ZNF592: variants seen among roughly 807,000 people sequenced by gnomAD.
The protein encoded by ZNF592 is spinocerebellar ataxia, autosomal recessive 5.
In ZNF592, 11 loss-of-function variants were observed where a neutral mutation model predicts 80.3. That is an observed-to-expected ratio of 0.14 (90% CI 0.09 to 0.23). The LOEUF (loss-of-function observed/expected upper bound fraction) is 0.23. Ranked by LOEUF, ZNF592 falls within the 10% of genes least tolerant of loss-of-function variation. The probability of loss-of-function intolerance (pLI) is 1.00; values close to 1 mark genes in which losing one functional copy is unlikely to be tolerated. For missense variants in ZNF592, 1,420 were observed against 1,633.9 expected (o/e 0.87, Z 2.26); for synonymous variants, 646 against 640.3 (o/e 1.01, Z -0.13).
At chr15:84,789,058 A>C (rs1472872344) in intron 4 of ZNF592, among the ~76,000 whole-genome samples, 7 of 150,702 alleles carry the variant, frequency 4.6e-5, no homozygotes, top group South Asian at 2.1e-4. Flanking sequence ...TTAAAAAAAA[A>C]AAAACAAAAA....
chr15:84,804,327 A>G lies in ZNF592; in HGVS notation c.*1934A>G, dbSNP rs1435636305. ...CAGGAATGGGTTCCAGAGGAGGCTG[A>G]TAGAAGGGTTTGAAATGACTGGCTG... On this transcript the variant is annotated 3_prime_UTR_variant, in exon 11 of 11. Transcript: ENST00000560079. The G allele has an allele frequency of 1.3e-5, 2 of 152,272 alleles. No individual in the cohort carries two copies. Among genetic ancestry groups the G allele is most frequent in the African/African-American group, 4.8e-5 (2 of 41,464 alleles). The allele number at this position is 152,272 out of a possible 1,614,324, so 9.4% of individuals were successfully genotyped here. A position where few individuals can be genotyped will look rare whatever the true frequency, so the allele number is the denominator to read the frequency against.
intron 4 of ZNF592, among the ~76,000 whole-genome samples, chr15:84,789,152 G>A (rs1412216794): frequency 3.3e-5 from 5 of 151,990 alleles, no homozygotes; most frequent in Non-Finnish European, 7.4e-5. Flanking sequence ...GGAGGCTGAG[G>A]CAGGAGAATT....
In ZNF592 at chr15:84,764,811, C is replaced by A. The variant is rs1354505633; in HGVS notation, c.-154C>A. On this transcript the variant is annotated 5_prime_UTR_variant, in exon 2 of 11. Transcript: ENST00000560079. ...CCACACCCTTGTTTTGAGATCCTCTCTAAGGTATGATGTCTAGGCTGACCT... is the reference window on the plus strand; with the variant it reads ...CCACACCCTTGTTTTGAGATCCTCTATAAGGTATGATGTCTAGGCTGACCT... 2.5e-6 allele frequency: 1 copy of A among 398,786 alleles called. No homozygotes were observed. The highest frequency in any genetic ancestry group is 4.4e-6 in the Non-Finnish European group (1 of 226,052). 24.7% of individuals were successfully genotyped at this position (398,786 alleles called of 1,614,324 possible).
At chr15:84,751,595 CT>C (rs779955467) in intron 1 of ZNF592, among the ~76,000 whole-genome samples, 1,499 of 143,546 alleles carry the variant, frequency 0.01, 5 homozygotes, top group Middle Eastern at 0.025. Context: ...ATTTTTATTA[CT>C]TTTTTTTTTT....
rs764121202 is a variant in ZNF592, at chr15:84,798,870, G to A, written c.3019G>A (p.Gly1007Ser). 5.0e-6 allele frequency: 8 copies of A among 1,597,886 alleles called. No homozygotes were observed. The highest frequency in any genetic ancestry group is 6.8e-6 in the Non-Finnish European group (8 of 1,179,634). Reference sequence around the variant, plus strand: ...CGTGTCCCACATGAAAAAGAGCCACGGTCGGGTAAGTGCAGCCACACAGTC... The same window carrying A: ...CGTGTCCCACATGAAAAAGAGCCACAGTCGGGTAAGTGCAGCCACACAGTC... Reference protein sequence around the residue: ...SYVSHMKKSHGRTLKRYPCRQ... With the variant: ...SYVSHMKKSHSRTLKRYPCRQ... Residue 1007 changes from glycine (G) to serine (S), a missense_variant, in exon 8 of 11, where the codon GGT (glycine) becomes AGT (serine). Gly to Ser is a moderately conservative substitution (Grantham distance 56, BLOSUM62 0). This residue lies in a region of ZNF592 where 331 missense variants were observed against 347.0 expected (regional missense o/e 0.95). Transcript: ENST00000560079. This position sits in a 1 kb window ranked among gnomAD's most constrained non-coding sequence, Gnocchi z 4.5.
rs2141533467 is a variant in ZNF592 at position 84,804,962 on chromosome 15, A to G, written c.*2569A>G. Reference sequence around the variant, plus strand: ...CGATGTGCAGAGGCTACCTGTAGTGATGGTGCTGAGTCAAGCCTGTCAACC... The same window carrying G: ...CGATGTGCAGAGGCTACCTGTAGTGGTGGTGCTGAGTCAAGCCTGTCAACC... On this transcript the variant is annotated 3_prime_UTR_variant, in exon 11 of 11. Transcript: ENST00000560079. 1 of 152,236 alleles carries G rather than the reference A, an allele frequency of 6.6e-6. No homozygotes were observed. Among genetic ancestry groups the G allele is most frequent in the Admixed American group, 6.5e-5 (1 of 15,298 alleles). 9.4% of individuals were successfully genotyped at this position (152,236 alleles called of 1,614,324 possible). A position where few individuals can be genotyped will look rare whatever the true frequency, so the allele number is the denominator to read the frequency against.
In ZNF592 at chr15:84,802,860, G is replaced by A. The variant is rs1375581797; in HGVS notation, c.*467G>A. 1 of 190,182 alleles carries A rather than the reference G, an allele frequency of 5.3e-6. No homozygotes were observed. Among genetic ancestry groups the A allele is most frequent in the Non-Finnish European group, 1.1e-5 (1 of 89,230 alleles). 11.8% of individuals were successfully genotyped at this position (190,182 alleles called of 1,614,324 possible). A position where few individuals can be genotyped will look rare whatever the true frequency, so the allele number is the denominator to read the frequency against. Reference sequence around the variant, plus strand: ...GAGGGAAATGAGGGGTGCTGACACAGTCCCTCTGGGAGAGCTCTGCCTAGT... The same window carrying A: ...GAGGGAAATGAGGGGTGCTGACACAATCCCTCTGGGAGAGCTCTGCCTAGT... On this transcript the variant is annotated 3_prime_UTR_variant, in exon 11 of 11. Coordinates refer to ENST00000560079, the MANE Select transcript of ZNF592 (RefSeq NM_014630.3).
At chr15:84,756,832 C>T (rs1363624529) in intron 1 of ZNF592, among the ~76,000 whole-genome samples, 1 of 151,738 alleles carries the variant, frequency 6.6e-6, no homozygotes, top group African/African-American at 2.4e-5. Flanking sequence ...TTTTTTTTTG[C>T]TAGGCACAGT....
intron 2 of ZNF592, among the ~76,000 whole-genome samples, chr15:84,766,874 G>A (rs1192341721): frequency 6.6e-6 from 1 of 152,088 alleles, no homozygotes; most frequent in Non-Finnish European, 1.5e-5. Flanking sequence ...TGCTCCTCGT[G>A]TCCCTCCAGA....
chr15:84,756,877 C>T (rs962776183), intron 1 of ZNF592, among the ~76,000 whole-genome samples: 11 of 151,862 alleles, frequency 7.2e-5, no homozygotes, highest in African/African-American at 2.2e-4. Context: ...TTTGGGAGGC[C>T]GAGGTGGGTG....
chr15:84,783,853 G>C lies in ZNF592; in HGVS notation c.1178G>C (p.Arg393Thr). Residue 393 changes from arginine (R) to threonine (T), a missense_variant, in exon 4 of 11, where the codon AGG becomes ACG. By Grantham distance (71) the Arg-to-Thr change is moderately conservative. Coordinates refer to ENST00000560079, the MANE Select transcript of ZNF592 (RefSeq NM_014630.3). The surrounding 1 kb of genome is among the most constrained non-coding windows in gnomAD (Gnocchi z 5.0). ...SSGEIKRTVT[R>T]ILPDPDDPSK... ...GGGGAAATCAAACGGACTGTCACAA[G>C]GATCCTGCCAGATCCTGATGATCCA... is the stretch of plus-strand genomic sequence containing the variant. 1 of 1,614,214 alleles carries C rather than the reference G, an allele frequency of 6.2e-7. No homozygotes were observed.
At chr15:84,772,353 A>G (rs1194893660) in intron 2 of ZNF592, among the ~76,000 whole-genome samples, 2 of 152,064 alleles carry the variant, frequency 1.3e-5, no homozygotes, top group East Asian at 1.9e-4. Context: ...GTCTGCTTCC[A>G]TTCCTGGTAT....
At chr15:84,785,899 A>T (rs534182833) in intron 4 of ZNF592, among the ~76,000 whole-genome samples, 4 of 151,436 alleles carry the variant, frequency 2.6e-5, no homozygotes, top group Middle Eastern at 3.4e-3. Context: ...CGCTGAGAAT[A>T]CCCTTTGGCA....
At position 84,804,798 on chromosome 15, in the gene ZNF592, A is replaced by C. The variant is rs1963196236; in HGVS notation, c.*2405A>C. 1 of 152,224 alleles carries C rather than the reference A, an allele frequency of 6.6e-6. No individual in the cohort carries two copies. The highest frequency in any genetic ancestry group is 1.5e-5 in the Non-Finnish European group (1 of 68,054). The allele number at this position is 152,224 out of a possible 1,614,324, so 9.4% of individuals were successfully genotyped here. Reference sequence around the variant, plus strand: ...ACCTAGCCATTCTTTAGTAAGAGTGAAGATAGCATTTTAAGCCCTCCTTGT... The same window carrying C: ...ACCTAGCCATTCTTTAGTAAGAGTGCAGATAGCATTTTAAGCCCTCCTTGT... On this transcript the variant is annotated 3_prime_UTR_variant, in exon 11 of 11. Coordinates refer to ENST00000560079, the MANE Select transcript of ZNF592 (RefSeq NM_014630.3).
chr15:84,781,726 C>T (rs944052363), intron 3 of ZNF592, among the ~76,000 whole-genome samples: 7 of 152,184 alleles, frequency 4.6e-5, no homozygotes, highest in African/African-American at 1.7e-4. Flanking sequence ...GGTTTTTCTT[C>T]TCCCTCCAGC....
intron 5 of ZNF592, among the ~76,000 whole-genome samples, chr15:84,797,056 C>T (rs1192429993): frequency 6.6e-6 from 1 of 152,156 alleles, no homozygotes; most frequent in Admixed American, 6.5e-5. Context: ...CTCTGCCTCC[C>T]GGGTTCAAGC....
intron 5 of ZNF592, among the ~76,000 whole-genome samples, chr15:84,791,847 G>T (rs1567074178): frequency 6.6e-6 from 1 of 152,258 alleles, no homozygotes; most frequent in Non-Finnish European, 1.5e-5. Context: ...TGTCAGGAAT[G>T]ATGAGTATGG....
In ZNF592 at chr15:84,783,453, C is replaced by T. The variant is rs546396478; in HGVS notation, c.778C>T (p.Arg260Trp). 2.2e-5 allele frequency: 35 copies of T among 1,614,136 alleles called. No individual in the cohort carries two copies. Among genetic ancestry groups the T allele is most frequent in the East Asian group, 8.9e-5 (4 of 44,868 alleles). The change falls in exon 4 of 11, where the codon CGG becomes TGG. Residue 260 changes from arginine (R) to tryptophan (W), a missense_variant. By Grantham distance (101) the Arg-to-Trp change is moderately radical. Transcript: ENST00000560079. This position sits in a 1 kb window ranked among gnomAD's most constrained non-coding sequence, Gnocchi z 5.0. ...TATTGGAGAGTCCAAGGGGCTTGCC[C>T]GGGAGCTTGGTACCTGCTCATCAGT... ...NSIGESKGLA[R>W]ELGTCSSVPP...
chr15:84,801,766 G>T, intron 10 of ZNF592, 97 bp from the exon 11 acceptor site: 2 of 1,586,978 alleles, frequency 1.3e-6, no homozygotes, highest in Non-Finnish European at 1.7e-6. Context: ...CCCTGGCCTG[G>T]GTGGTGCTTT....
Sources: gnomAD v4.1 joint callset for allele counts (sites outside exome capture counted in the v4.1 genomes callset) on GRCh38, gnomAD v4.1.1 for gene constraint, gnomAD v4.1.1 regional missense constraint, Gnocchi (gnomAD v3.1) non-coding constraint, MANE v1.5 for transcripts, NCBI Gene and HGNC (gene_info 2026-07-23, HGNC 2026-07-21) for gene names.